RAB38: variants seen among roughly 807,000 people sequenced by gnomAD.
The protein encoded by RAB38 is RAB38, member RAS oncogene family.
A neutral mutation model predicts 18.4 loss-of-function variants in RAB38; 15 were observed. The observed-to-expected ratio is 0.82, with a 90% CI of 0.55 to 1.26. The LOEUF (loss-of-function observed/expected upper bound fraction) is 1.26, where lower values mean the gene tolerates loss of function less well. RAB38 is among the 50% of genes most tolerant of loss of function. The probability of loss-of-function intolerance (pLI) is 0.00; values close to 1 mark genes in which losing one functional copy is unlikely to be tolerated. For synonymous variants in RAB38, 101 were observed against 104.4 expected, an observed-to-expected ratio of 0.97 and a Z score of 0.20; for missense variants, 294 against 267.4, an observed-to-expected ratio of 1.10 and a Z score of -0.69.
the RAB38 span, among the ~76,000 whole-genome samples, chr11:87,863,400 C>CT: frequency 6.6e-6 from 1 of 151,774 alleles, no homozygotes. Context: ...CTTCTGTACT[C>CT]TTTTCATAAG....
chr11:87,813,094 G>T, the RAB38 span, among the ~76,000 whole-genome samples: 1 of 152,166 alleles, frequency 6.6e-6, no homozygotes, highest in Non-Finnish European at 1.5e-5. Context: ...GCAATGAGGA[G>T]ACAGAGGGAA....
the RAB38 span, among the ~76,000 whole-genome samples, chr11:87,890,761 G>C: frequency 6.6e-6 from 1 of 151,698 alleles, no homozygotes; most frequent in African/African-American, 2.4e-5. Flanking sequence ...CTTCAACTTG[G>C]AAATCTCTAA....
chr11:87,817,942 G>A, the RAB38 span, among the ~76,000 whole-genome samples: 1 of 152,138 alleles, frequency 6.6e-6, no homozygotes, highest in African/African-American at 2.4e-5. Flanking sequence ...TTCGAAGTGT[G>A]AGAAGTGATA....
the RAB38 span, among the ~76,000 whole-genome samples, chr11:87,828,448 T>C: frequency 2.0e-5 from 3 of 152,186 alleles, no homozygotes; most frequent in Non-Finnish European, 4.4e-5. Flanking sequence ...AAGGTATGAG[T>C]ATCTCTAATC....
chr11:87,905,828 TCA>T, the RAB38 span, among the ~76,000 whole-genome samples: 1 of 151,970 alleles, frequency 6.6e-6, no homozygotes, highest in Non-Finnish European at 1.5e-5. Context: ...CTCCTTTTCT[TCA>T]CAGTTATTGA....
At chr11:88,033,327 T>C in the RAB38 span, among the ~76,000 whole-genome samples, 3 of 151,770 alleles carry the variant, frequency 2.0e-5, no homozygotes, top group Non-Finnish European at 4.4e-5. Flanking sequence ...TGTATACATA[T>C]GTAACTAACC....
At chr11:88,050,191 C>T in the RAB38 span, 1 of 152,156 alleles carries the variant, frequency 6.6e-6, no homozygotes, top group East Asian at 1.9e-4. Context: ...ATGTAAGTAT[C>T]CTTCTTTTTA....
chr11:88,010,310 A>G, the RAB38 span, among the ~76,000 whole-genome samples: 4 of 152,190 alleles, frequency 2.6e-5, no homozygotes, highest in Non-Finnish European at 5.9e-5. Flanking sequence ...TTCTTAAAGC[A>G]CTAGAATTCC....
intron 1 of RAB38, among the ~76,000 whole-genome samples, chr11:88,161,896 T>C (rs754155243): frequency 7.2e-5 from 11 of 152,214 alleles, no homozygotes; most frequent in Non-Finnish European, 1.6e-4. Context: ...CACAGAACCA[T>C]CAGTAGACCT....
chr11:87,858,375 A>ACAG, the RAB38 span, among the ~76,000 whole-genome samples: 13 of 152,058 alleles, frequency 8.5e-5, no homozygotes, highest in African/African-American at 2.4e-4. Context: ...AGAGTTAACC[A>ACAG]AATGCTCCAA....
At chr11:88,044,324 C>T in the RAB38 span, among the ~76,000 whole-genome samples, 88 of 152,226 alleles carry the variant, frequency 5.8e-4, no homozygotes, top group Non-Finnish European at 1.1e-3. Flanking sequence ...ACCCCTTCTC[C>T]ACTTTCCTGG....
At chr11:88,014,118 T>A in the RAB38 span, among the ~76,000 whole-genome samples, 1 of 152,174 alleles carries the variant, frequency 6.6e-6, no homozygotes, top group Non-Finnish European at 1.5e-5. Context: ...ATGGGAACTT[T>A]AGTAGGAGAA....
At chr11:87,837,711 G>T in the RAB38 span, among the ~76,000 whole-genome samples, 1 of 152,130 alleles carries the variant, frequency 6.6e-6, no homozygotes, top group Non-Finnish European at 1.5e-5. Context: ...ATGTAACTAA[G>T]GATCAAGCAA....
At chr11:88,083,989 C>T in the RAB38 span, among the ~76,000 whole-genome samples, 1 of 151,854 alleles carries the variant, frequency 6.6e-6, no homozygotes, top group Non-Finnish European at 1.5e-5. Flanking sequence ...TCCCCATATC[C>T]TAGAATTGTG....
At chr11:88,066,978 CT>C in the RAB38 span, among the ~76,000 whole-genome samples, 1 of 152,070 alleles carries the variant, frequency 6.6e-6, no homozygotes, top group South Asian at 2.1e-4. Flanking sequence ...ATTAGTTTTC[CT>C]TTTAAAAAAG....
At chr11:88,031,410 A>G in the RAB38 span, among the ~76,000 whole-genome samples, 4 of 151,088 alleles carry the variant, frequency 2.6e-5, no homozygotes, top group Non-Finnish European at 5.9e-5. Flanking sequence ...AATAAAGGGT[A>G]TTCAATTAGG....
the RAB38 span, among the ~76,000 whole-genome samples, chr11:87,917,590 G>A: frequency 2.1e-5 from 3 of 144,936 alleles, no homozygotes; most frequent in South Asian, 2.1e-4. Flanking sequence ...TTCCAGGCCA[G>A]GTCTTAAAAT....
chr11:87,893,390 A>ATATATATATATATATATTTTT, the RAB38 span, among the ~76,000 whole-genome samples: 38,363 of 93,338 alleles, frequency 0.41, 9,523 homozygotes, highest in Non-Finnish European at 0.51. Flanking sequence ...ATATATATAT[A>ATATATATATATATATATTTTT]TTTTTTTTTT....
the RAB38 span, among the ~76,000 whole-genome samples, chr11:87,845,279 C>T: frequency 6.6e-6 from 1 of 152,014 alleles, no homozygotes; most frequent in South Asian, 2.1e-4. Flanking sequence ...CTTTCAAAAA[C>T]TTTAAGGAAG....
Sources: allele counts gnomAD v4.1 joint callset (sites outside exome capture counted in the v4.1 genomes callset), GRCh38; gene constraint gnomAD v4.1.1; transcripts MANE v1.5; gene names NCBI Gene and HGNC (gene_info 2026-07-23, HGNC 2026-07-21).